COL28A1: variants seen among roughly 807,000 people sequenced by gnomAD.
COL28A1 encodes collagen type XXVIII alpha 1 chain.
In COL28A1, 161 loss-of-function variants were observed where a neutral mutation model predicts 150.2. The ratio of observed to expected loss-of-function variants is 1.07; its 90% confidence interval spans 0.94 to 1.22. COL28A1 has a LOEUF of 1.22. Among genes scored for constraint, COL28A1 ranks in the 50% most tolerant of loss-of-function variants. The probability of loss-of-function intolerance (pLI) is 0.00; values close to 1 mark genes in which losing one functional copy is unlikely to be tolerated. For missense variants in COL28A1, 1,617 were observed against 1,388.3 expected, an observed-to-expected ratio of 1.16 and a Z score of -2.62; for synonymous variants, 552 against 469.7, an observed-to-expected ratio of 1.18 and a Z score of -2.26.
chr7:7,523,461 T>C (rs1464256428), intron 4 of COL28A1, among the ~76,000 whole-genome samples: 2 of 151,968 alleles, frequency 1.3e-5, no homozygotes, highest in African/African-American at 2.4e-5. Context: ...CCTGGCCGTT[T>C]TTTTTTTCCT....
chr7:7,372,954 A>G (rs1781312648), intron 32 of COL28A1, 44 bp downstream of exon 32: 6 of 1,537,686 alleles, frequency 3.9e-6, no homozygotes, highest in Non-Finnish European at 4.4e-6. Context: ...TACTTAGAGG[A>G]ACAACATAAA....
downstream of COL28A1, among the ~76,000 whole-genome samples, chr7:7,353,673 G>C (rs933952503): frequency 2.0e-5 from 3 of 152,168 alleles, no homozygotes. Context: ...GATGTGGTCA[G>C]TCAGGGAAGA....
intron 13 of COL28A1, among the ~76,000 whole-genome samples, 182 bp downstream of exon 13, chr7:7,489,207 T>C (rs980121412): frequency 5.3e-5 from 8 of 152,156 alleles, no homozygotes; most frequent in African/African-American, 1.9e-4. Context: ...GAGGTGGTGG[T>C]TGCAGTGAGC....
intron 27 of COL28A1, among the ~76,000 whole-genome samples, chr7:7,414,420 A>C (rs118150289): frequency 0.068 from 10,282 of 152,290 alleles, 424 homozygotes; most frequent in Middle Eastern, 0.15. Context: ...GGTTGGGAAA[A>C]AGCCCAAGGC....
intron 26 of COL28A1, 134 bp from the exon 27 acceptor site, chr7:7,418,061 C>T (rs1403887010): frequency 4.8e-6 from 3 of 622,718 alleles, no homozygotes; most frequent in South Asian, 2.2e-5. Flanking sequence ...TAAGCTACTT[C>T]CTATTTTACT....
At chr7:7,531,926 A>C in intron 2 of COL28A1, 22 bp from the exon 3 acceptor site, 1 of 1,455,010 alleles carries the variant, frequency 6.9e-7, no homozygotes, top group African/African-American at 1.4e-5. Context: ...TAAACAGGTT[A>C]GGCAAAATAA....
At chr7:7,491,843 CTGTT>C (rs1160378671) in intron 11 of COL28A1, among the ~76,000 whole-genome samples, 1 of 152,168 alleles carries the variant, frequency 6.6e-6, no homozygotes, top group Non-Finnish European at 1.5e-5. Flanking sequence ...TTATTTTTTT[CTGTT>C]TATCAAAATA....
intron 3 of COL28A1, among the ~76,000 whole-genome samples, chr7:7,524,879 C>A (rs144122542): frequency 1.0e-3 from 152 of 152,042 alleles, no homozygotes; most frequent in African/African-American, 2.9e-3. Flanking sequence ...TGAAAAGCCT[C>A]CAATATGATA....
At chr7:7,480,102 GGT>G (rs1789266178) in intron 13 of COL28A1, among the ~76,000 whole-genome samples, 1 of 152,094 alleles carries the variant, frequency 6.6e-6, no homozygotes, top group African/African-American at 2.4e-5. Context: ...AGTAATCCAG[GGT>G]GATTTAAGAC....
chr7:7,458,360 G>A (rs1445169538), intron 15 of COL28A1, among the ~76,000 whole-genome samples: 1 of 151,924 alleles, frequency 6.6e-6, no homozygotes, highest in Non-Finnish European at 1.5e-5. Context: ...ATGGTGCAGT[G>A]AGCTGAGATG....
At chr7:7,475,598 A>C (rs1788800895) in intron 14 of COL28A1, among the ~76,000 whole-genome samples, 1 of 152,360 alleles carries the variant, frequency 6.6e-6, no homozygotes, top group South Asian at 2.1e-4. Context: ...TGAACCTGTC[A>C]CTATGAAATA....
chr7:7,471,337 G>A (rs574178649), intron 15 of COL28A1, among the ~76,000 whole-genome samples: 3 of 152,000 alleles, frequency 2.0e-5, no homozygotes, highest in Admixed American at 6.6e-5. Context: ...CCACAAGATA[G>A]AGAAAAAGGG....
At chr7:7,383,113 C>T (rs771488223) in intron 27 of COL28A1, among the ~76,000 whole-genome samples, 4 of 152,034 alleles carry the variant, frequency 2.6e-5, no homozygotes, top group East Asian at 1.9e-4. Flanking sequence ...AAAACAGATA[C>T]AATTCAAACC....
chr7:7,473,523 A>T (rs1313409468), intron 15 of COL28A1, among the ~76,000 whole-genome samples: 2 of 152,210 alleles, frequency 1.3e-5, no homozygotes, highest in Non-Finnish European at 2.9e-5. Context: ...CATAATCAAG[A>T]AATCAAAAAA....
chr7:7,400,975 G>GGTGGGTGGGT (rs1554264683), intron 27 of COL28A1, among the ~76,000 whole-genome samples: 1 of 119,074 alleles, frequency 8.4e-6, no homozygotes, highest in South Asian at 3.1e-4. Flanking sequence ...TGGGTATTTG[G>GGTGGGTGGGT]GTGTGTGTGT....
At position 7,360,534 on chromosome 7, in the gene COL28A1, C is replaced by T. The variant is rs1780595914; in HGVS notation, c.3067-6G>A. The T allele has an allele frequency of 3.8e-6, 6 of 1,589,610 alleles. No homozygotes were observed. In the African/African-American group the frequency reaches 5.5e-5, roughly 14 times the overall value. ...TGGTCTCTGGTGACACTCAACTACA[C>T]AAAAATATTCACATTTTGTGTTTCT... On this transcript the variant is annotated splice_region_variant and splice_polypyrimidine_tract_variant and intron_variant, in intron 33 of 34. Transcript: ENST00000399429.
intron 8 of COL28A1, chr7:7,511,544 C>G: frequency 3.5e-6 from 1 of 283,646 alleles, no homozygotes; most frequent in Admixed American, 5.1e-5. Context: ...AAGATAATTT[C>G]CCTCTATCAA....
At chr7:7,523,877 C>G (rs1043081180) in intron 4 of COL28A1, among the ~76,000 whole-genome samples, 10 of 152,278 alleles carry the variant, frequency 6.6e-5, no homozygotes, top group African/African-American at 1.9e-4. Context: ...TAGCCAACAC[C>G]AGGAACACCC....
At chr7:7,339,587 A>G in the COL28A1 span, among the ~76,000 whole-genome samples, 1 of 152,138 alleles carries the variant, frequency 6.6e-6, no homozygotes, top group South Asian at 2.1e-4. Flanking sequence ...AATGTGTCCT[A>G]GAGTTCTTCT....
Sources: allele counts gnomAD v4.1 joint callset (sites outside exome capture counted in the v4.1 genomes callset), GRCh38; gene constraint gnomAD v4.1.1; transcripts MANE v1.5; gene names NCBI Gene and HGNC (gene_info 2026-07-23, HGNC 2026-07-21).